The following LOC400499 variants were observed in gnomAD, a reference collection of about 807,000 sequenced individuals.
At chr16:11,438,240 C>G in the LOC400499 span, among the ~76,000 whole-genome samples, 5 of 152,186 alleles carry the variant, frequency 3.3e-5, no homozygotes, top group African/African-American at 1.2e-4. Flanking sequence ...TTCCTCCAAT[C>G]TAAGATGCCA....
the LOC400499 span, chr16:11,384,949 C>G: frequency 0.1 from 128,632 of 1,232,110 alleles, 7,189 homozygotes; most frequent in Middle Eastern, 0.21. Flanking sequence ...AGGAGACAGA[C>G]ACCCCGTCCT....
the LOC400499 span, chr16:11,404,814 T>C: frequency 1.8e-5 from 7 of 399,014 alleles, no homozygotes; most frequent in Non-Finnish European, 3.1e-5. Flanking sequence ...ACGGGTCCCA[T>C]GAGCTCGCTC....
At chr16:11,385,015 G>C in the LOC400499 span, 4 of 1,232,166 alleles carry the variant, frequency 3.2e-6, no homozygotes, top group Non-Finnish European at 4.0e-6. Flanking sequence ...GATGCAGCTT[G>C]AGGTCCGGAC....
At chr16:11,422,263 G>A in the LOC400499 span, among the ~76,000 whole-genome samples, 10 of 152,158 alleles carry the variant, frequency 6.6e-5, no homozygotes, top group East Asian at 1.9e-4. Context: ...TTAGCTGGGC[G>A]TGGTGGTGGG....
chr16:11,438,094 C>T, the LOC400499 span, among the ~76,000 whole-genome samples: 3 of 152,152 alleles, frequency 2.0e-5, no homozygotes, highest in Non-Finnish European at 2.9e-5. Context: ...AAAATGACAA[C>T]GGTGCTCCAT....
chr16:11,527,187 C>T, the LOC400499 span, among the ~76,000 whole-genome samples: 23 of 152,326 alleles, frequency 1.5e-4, no homozygotes, highest in African/African-American at 5.3e-4. Context: ...ACTTCCTGGG[C>T]CAGCCCCGTG....
chr16:11,431,291 A>G, the LOC400499 span: 1 of 398,734 alleles, frequency 2.5e-6, no homozygotes, highest in African/African-American at 2.1e-5. Flanking sequence ...CCTGGGTTCC[A>G]ACCCCAATGC....
the LOC400499 span, among the ~76,000 whole-genome samples, chr16:11,489,348 G>A: frequency 6.6e-6 from 1 of 152,202 alleles, no homozygotes; most frequent in African/African-American, 2.4e-5. Context: ...AACTAACAAA[G>A]TATCTTGCAG....
At chr16:11,429,722 C>T in the LOC400499 span, among the ~76,000 whole-genome samples, 1 of 152,044 alleles carries the variant, frequency 6.6e-6, no homozygotes. Context: ...GATCTGCCCG[C>T]CTCAGCCTCC....
chr16:11,491,987 A>G, the LOC400499 span: 5 of 394,046 alleles, frequency 1.3e-5, no homozygotes, highest in Non-Finnish European at 1.8e-5. Flanking sequence ...TCCCCGACAC[A>G]CACTCACCTG....
At chr16:11,405,403 G>C in the LOC400499 span, among the ~76,000 whole-genome samples, 12 of 152,216 alleles carry the variant, frequency 7.9e-5, no homozygotes, top group African/African-American at 2.4e-4. Context: ...AGATAGTCGA[G>C]ATAGTCACAG....
At chr16:11,499,584 C>A in the LOC400499 span, among the ~76,000 whole-genome samples, 1 of 152,080 alleles carries the variant, frequency 6.6e-6, no homozygotes, top group Non-Finnish European at 1.5e-5. Context: ...TCAAACCCTG[C>A]GGTCAGGGGC....
the LOC400499 span, chr16:11,462,049 G>A: frequency 3.8e-6 from 5 of 1,328,940 alleles, no homozygotes; most frequent in Non-Finnish European, 4.9e-6. Context: ...ACCATAAGGA[G>A]GCACTTGGGC....
At chr16:11,482,456 G>C in the LOC400499 span, among the ~76,000 whole-genome samples, 1 of 152,186 alleles carries the variant, frequency 6.6e-6, no homozygotes, top group East Asian at 1.9e-4. Flanking sequence ...AACAGTCAAA[G>C]CTCTATCAGC....
chr16:11,510,521 T>C, the LOC400499 span, among the ~76,000 whole-genome samples: 7 of 151,746 alleles, frequency 4.6e-5, no homozygotes, highest in Non-Finnish European at 1.0e-4. Flanking sequence ...CTGGCTGTCA[T>C]GCAGCTGTTT....
At chr16:11,400,776 C>A in the LOC400499 span, among the ~76,000 whole-genome samples, 1 of 152,116 alleles carries the variant, frequency 6.6e-6, no homozygotes, top group Non-Finnish European at 1.5e-5. Flanking sequence ...TCATATCACA[C>A]CTTCTGATTT....
At chr16:11,375,742 T>TTTTTG in the LOC400499 span, among the ~76,000 whole-genome samples, 2 of 150,990 alleles carry the variant, frequency 1.3e-5, no homozygotes, top group Non-Finnish European at 3.0e-5. Flanking sequence ...ATTTTTTTTT[T>TTTTTG]TTTTTGAGAT....
chr16:11,460,762 A>C, the LOC400499 span, among the ~76,000 whole-genome samples: 2 of 152,214 alleles, frequency 1.3e-5, no homozygotes, highest in Admixed American at 1.3e-4. Context: ...GTCGATGGGG[A>C]GGTGTTAAGA....
At chr16:11,393,985 G>A in the LOC400499 span, among the ~76,000 whole-genome samples, 2 of 152,122 alleles carry the variant, frequency 1.3e-5, no homozygotes, top group Non-Finnish European at 2.9e-5. Flanking sequence ...CCATCTAGGA[G>A]CCCAACCCAG....
Sources: gnomAD v4.1 joint callset for allele counts (sites outside exome capture counted in the v4.1 genomes callset) on GRCh38, gnomAD v4.1.1 for gene constraint, MANE v1.5 for transcripts.